The following KRABD4 variants were observed in gnomAD, a reference collection of about 807,000 sequenced individuals.
KRABD4 encodes the protein KRAB domain-containing protein 4.
chrX:46,447,473 C>G, the KRABD4 span: 1 of 111,162 alleles, frequency 9.0e-6, no homozygotes, highest in African/African-American at 3.3e-5. Context: ...GCTCAAAAGC[C>G]CATCCTCCAG....
At chrX:46,466,898 T>G in the KRABD4 span, among the ~76,000 whole-genome samples, 1 of 112,172 alleles carries the variant, frequency 8.9e-6, no homozygotes, top group Non-Finnish European at 1.9e-5. Flanking sequence ...AAAAACTCCG[T>G]GTTTCCTTTT....
At chrX:46,460,211 G>A in the KRABD4 span, among the ~76,000 whole-genome samples, 1 of 111,540 alleles carries the variant, frequency 9.0e-6, no homozygotes. Flanking sequence ...CCTGAGGTTG[G>A]AAGTTTGAGA....
chrX:46,462,635 A>G, the KRABD4 span: 1 of 1,178,674 alleles, frequency 8.5e-7, no homozygotes. Flanking sequence ...CACGCTCTTC[A>G]TCTGTCAAGT....
the KRABD4 span, chrX:46,454,516 A>ATT: frequency 9.8e-5 from 11 of 112,152 alleles, no homozygotes; most frequent in African/African-American, 3.6e-4. Flanking sequence ...ACATTATGAG[A>ATT]TTTTTGGCTG....
chrX:46,467,215 T>C, the KRABD4 span, among the ~76,000 whole-genome samples: 2 of 111,868 alleles, frequency 1.8e-5, no homozygotes, highest in Non-Finnish European at 3.8e-5. Context: ...GGTAAATATC[T>C]GGAGTGAGAT....
At chrX:46,448,874 A>C in the KRABD4 span, among the ~76,000 whole-genome samples, 1 of 112,337 alleles carries the variant, frequency 8.9e-6, no homozygotes, top group Non-Finnish European at 1.9e-5. Context: ...TTCCAGGGGA[A>C]ATGCTGAGTG....
chrX:46,462,366 C>T, the KRABD4 span: 69 of 190,954 alleles, frequency 3.6e-4, no homozygotes, highest in East Asian at 7.8e-3. Flanking sequence ...AAAAATTAGC[C>T]GGGCGTGGTG....
the KRABD4 span, chrX:46,471,901 A>G: frequency 8.9e-6 from 1 of 112,342 alleles, no homozygotes; most frequent in African/African-American, 3.2e-5. Context: ...GTTTGGGGCC[A>G]TTATGAATGA....
chrX:46,461,423 A>G, the KRABD4 span, among the ~76,000 whole-genome samples: 1 of 111,400 alleles, frequency 9.0e-6, no homozygotes, highest in Non-Finnish European at 1.9e-5. Flanking sequence ...CAGCTCCTGG[A>G]TTGCTCTGAG....
At chrX:46,450,469 G>A in the KRABD4 span, 2 of 1,207,054 alleles carry the variant, frequency 1.7e-6, no homozygotes, top group African/African-American at 1.8e-5. Flanking sequence ...GGATGGCCAT[G>A]TCCCAGGTGA....
At chrX:46,468,605 T>A in the KRABD4 span, among the ~76,000 whole-genome samples, 1 of 109,996 alleles carries the variant, frequency 9.1e-6, no homozygotes, top group Non-Finnish European at 1.9e-5. Flanking sequence ...AATAATCTAA[T>A]GAAAATTGAA....
the KRABD4 span, among the ~76,000 whole-genome samples, chrX:46,460,519 C>T: frequency 9.2e-6 from 1 of 109,014 alleles, no homozygotes; most frequent in Middle Eastern, 4.6e-3. Flanking sequence ...TGGGAAGGTC[C>T]ACGGACCTTT....
At chrX:46,461,149 C>T in the KRABD4 span, among the ~76,000 whole-genome samples, 1 of 110,045 alleles carries the variant, frequency 9.1e-6, no homozygotes, top group African/African-American at 3.3e-5. Context: ...AAACAAACTG[C>T]ATCTGGACTG....
At chrX:46,470,839 T>C in the KRABD4 span, among the ~76,000 whole-genome samples, 1 of 111,446 alleles carries the variant, frequency 9.0e-6, no homozygotes, top group African/African-American at 3.3e-5. Flanking sequence ...ATCTTTTTTA[T>C]TGATTTTTGT....
the KRABD4 span, among the ~76,000 whole-genome samples, chrX:46,460,265 C>T: frequency 6.3e-5 from 7 of 111,165 alleles, no homozygotes; most frequent in Non-Finnish European, 1.1e-4. Context: ...ACTAAAAATA[C>T]AGTTAGCCGG....
the KRABD4 span, chrX:46,450,392 G>A: frequency 1.1e-4 from 100 of 909,770 alleles, 1 homozygote; most frequent in Middle Eastern, 1.6e-3. Flanking sequence ...TCTAATGGCT[G>A]TACCTACCGA....
chrX:46,462,451 A>C, the KRABD4 span: 2 of 279,071 alleles, frequency 7.2e-6, no homozygotes, highest in Non-Finnish European at 1.3e-5. Context: ...CAGAGGTTGC[A>C]ATGAGCCAAG....
chrX:46,471,105 C>T, the KRABD4 span: 3 of 1,153,006 alleles, frequency 2.6e-6, no homozygotes, highest in East Asian at 3.3e-5. Context: ...GTTGAAGTCT[C>T]CAACAATAAT....
At chrX:46,466,197 T>A in the KRABD4 span, among the ~76,000 whole-genome samples, 29 of 112,137 alleles carry the variant, frequency 2.6e-4, no homozygotes, top group Non-Finnish European at 4.9e-4. Context: ...GTTTTAGCTT[T>A]GTTAATTTTC....
Sources: allele counts gnomAD v4.1 joint callset (sites outside exome capture counted in the v4.1 genomes callset), GRCh38; gene constraint gnomAD v4.1.1; transcripts MANE v1.5; gene names NCBI Gene and HGNC (gene_info 2026-07-23, HGNC 2026-07-21).